Variants in EXOC2 observed in about 807,000 individuals in gnomAD.
EXOC2 encodes the protein SEC5-like 1.
In EXOC2, 70 loss-of-function variants were observed where a neutral mutation model predicts 131.8. The observed-to-expected ratio is 0.53, with a 90% CI of 0.44 to 0.65. The LOEUF is 0.65. Among genes scored for constraint, EXOC2 ranks in the 30% least tolerant of loss-of-function variants. The probability of loss-of-function intolerance (pLI) is 0.00; values close to 1 mark genes in which losing one functional copy is unlikely to be tolerated. For synonymous variants in EXOC2, 411 were observed against 398.4 expected (o/e 1.03, Z -0.38); for missense variants, 923 against 1,108.6 (o/e 0.83, Z 2.38).
chr6:627,162 T>G lies in EXOC2; in HGVS notation c.422+2673A>C, dbSNP rs576643329. ...CATTCTACAGTCTGCCTTTCCTTCC[T>G]TTTATCTTTCTCTAAAACAAGATTT... On this transcript the variant is annotated intron_variant, in intron 4 of 27. Transcript: ENST00000230449. Among the ~76,000 whole-genome samples the G allele has an allele frequency of 2.6e-5, 4 of 151,672 alleles. No individual in the cohort carries two copies. In the South Asian group the frequency reaches 8.3e-4, roughly 32 times the overall value.
Position 518,230 on chromosome 6 carries a change from T to C in EXOC2, c.2380+14239A>G, listed in dbSNP as rs187363507. 1.9e-3 allele frequency among the ~76,000 whole-genome samples: 286 copies of C among 152,304 alleles called. 2 individuals carry two copies. The highest frequency in any genetic ancestry group is 6.4e-3 in the African/African-American group (267 of 41,564). ...GATGAAATGATCGAATATCTGGGAT[T>C]TACTTCAAAATAACAGATCTCAGAG... On this transcript the variant is annotated intron_variant, in intron 23 of 27. Coordinates refer to ENST00000230449, the MANE Select transcript of EXOC2 (RefSeq NM_018303.6).
chr6:687,315 G>A (rs557090317), intron 1 of EXOC2, among the ~76,000 whole-genome samples: 1 of 150,638 alleles, frequency 6.6e-6, no homozygotes, highest in Admixed American at 6.6e-5. Flanking sequence ...TGAGTAACTG[G>A]GACCACAGAC....
chr6:585,785 T>C (rs925783273), intron 11 of EXOC2, among the ~76,000 whole-genome samples: 3 of 152,254 alleles, frequency 2.0e-5, no homozygotes, highest in African/African-American at 7.2e-5. Flanking sequence ...TCAAGAATTA[T>C]TTTTCCGTTT....
chr6:651,484 T>A (rs977279318), intron 1 of EXOC2, among the ~76,000 whole-genome samples: 36 of 151,182 alleles, frequency 2.4e-4, no homozygotes, highest in African/African-American at 8.5e-4. Context: ...TGAAACCCCA[T>A]CTCTAATAAA....
chr6:692,528 G>C (rs1419619862), intron 1 of EXOC2, among the ~76,000 whole-genome samples: 2 of 152,272 alleles, frequency 1.3e-5, no homozygotes, highest in Non-Finnish European at 2.9e-5. Context: ...CGAGGATCAA[G>C]TACGTGCACG....
chr6:539,060 ACT>A (rs1218355195), intron 22 of EXOC2, among the ~76,000 whole-genome samples: 1 of 123,606 alleles, frequency 8.1e-6, no homozygotes, highest in Middle Eastern at 3.4e-3. Context: ...ACAGAGCAAG[ACT>A]CTGTCTGAAG....
intron 6 of EXOC2, among the ~76,000 whole-genome samples, chr6:616,729 C>CTTATTTAT (rs553743664): frequency 4.0e-5 from 6 of 149,160 alleles, no homozygotes; most frequent in African/African-American, 1.2e-4. Context: ...AAGAGGGGGG[C>CTTATTTAT]TTATTTATTT....
intron 23 of EXOC2, among the ~76,000 whole-genome samples, chr6:509,462 T>G (rs1764732230): frequency 6.6e-6 from 1 of 152,226 alleles, no homozygotes; most frequent in Non-Finnish European, 1.5e-5. Context: ...ATTCTCTGAT[T>G]ACTGTAATTA....
chr6:557,917 G>A (rs1398171025), intron 17 of EXOC2, among the ~76,000 whole-genome samples: 2 of 152,104 alleles, frequency 1.3e-5, no homozygotes, highest in East Asian at 1.9e-4. Flanking sequence ...GATGGGGTAG[G>A]AGGCCAGGCT....
At chr6:495,899 T>TC (rs992599504) in intron 25 of EXOC2, among the ~76,000 whole-genome samples, 15 of 151,814 alleles carry the variant, frequency 9.9e-5, no homozygotes, top group African/African-American at 2.9e-4. Context: ...CTTGCTTTTT[T>TC]CCCCCAATTA....
chr6:544,873 C>T (rs539534969), intron 22 of EXOC2, among the ~76,000 whole-genome samples: 3 of 152,240 alleles, frequency 2.0e-5, no homozygotes, highest in East Asian at 1.9e-4. Flanking sequence ...TCAGGCCGGG[C>T]GCGGTGGCTC....
intron 11 of EXOC2, among the ~76,000 whole-genome samples, chr6:591,951 A>T (rs1260307582): frequency 6.6e-6 from 1 of 152,192 alleles, no homozygotes; most frequent in Non-Finnish European, 1.5e-5. Flanking sequence ...TCTCTGAGAC[A>T]TTCCCACACC....
rs185536671 is a variant in EXOC2, at chr6:571,316, A to G, written c.1443+1204T>C. ...GTGCTTACACGATTGGTTTTTCTGC[A>G]CTAAGGAGTTTGTGTTCATGCATTA... On this transcript the variant is annotated intron_variant, in intron 13 of 27. Coordinates refer to ENST00000230449, the MANE Select transcript of EXOC2 (RefSeq NM_018303.6). Among the ~76,000 whole-genome samples, 207 of 152,336 alleles carry G rather than the reference A, an allele frequency of 1.4e-3. 2 individuals are homozygous for G. The highest frequency in any genetic ancestry group is 5.7e-4 in the Non-Finnish European group (39 of 68,028).
At chr6:656,658 C>G (rs759519295) in intron 1 of EXOC2, 3 of 1,607,238 alleles carry the variant, frequency 1.9e-6, no homozygotes, top group Non-Finnish European at 2.5e-6. Flanking sequence ...GGAGGACGCG[C>G]CCGCTGCGCT....
In EXOC2 at chr6:684,994, T is replaced by C. The variant is rs576542615; in HGVS notation, c.-44+8025A>G. Among the ~76,000 whole-genome samples the C allele has an allele frequency of 2.3e-3, 343 of 152,126 alleles. 2 individuals are homozygous for C. Among genetic ancestry groups the C allele is most frequent in the African/African-American group, 8.0e-3 (330 of 41,490 alleles). ...TAGAGAAGGCCAGGAACCAGAAAAA[T>C]ACAGAAGTTCTGACTCACTGAAGAC... On this transcript the variant is annotated intron_variant, in intron 1 of 27. Transcript: ENST00000230449.
chr6:656,651 G>A (rs1385519266), intron 1 of EXOC2: 1 of 1,607,270 alleles, frequency 6.2e-7, no homozygotes, highest in Admixed American at 1.7e-5. Flanking sequence ...GCTTCAGGGA[G>A]GACGCGCCCG....
intron 4 of EXOC2, among the ~76,000 whole-genome samples, chr6:623,120 C>A (rs922916252): frequency 1.3e-5 from 2 of 152,212 alleles, no homozygotes; most frequent in African/African-American, 4.8e-5. Context: ...ACTGGCCCTG[C>A]ACTCCCAGCT....
intron 24 of EXOC2, among the ~76,000 whole-genome samples, chr6:499,368 T>C (rs920322076): frequency 6.6e-6 from 1 of 152,034 alleles, no homozygotes; most frequent in African/African-American, 2.4e-5. Context: ...CTTTCAAATA[T>C]TTATGAATTT....
rs115166060 is a variant in EXOC2, at chr6:549,382, C to T, written c.2122-91G>A. On this transcript the variant is annotated intron_variant, in intron 21 of 27. Transcript: ENST00000230449. The stretch of plus-strand genomic sequence containing the variant: ...TTGTCAAGTTTAATTATAATCTCTG[C>T]TCTTTAACGTCAATATCCAATGCTT... 4,019 of 906,922 alleles carry T rather than the reference C, an allele frequency of 4.4e-3. 85 individuals are homozygous for T. The African/African-American group carries it at 0.055, about 12-fold the overall frequency. 56.2% of individuals were successfully genotyped at this position (906,922 alleles called of 1,614,324 possible).
Sources: gnomAD v4.1 joint callset for allele counts (sites outside exome capture counted in the v4.1 genomes callset) on GRCh38, gnomAD v4.1.1 for gene constraint, MANE v1.5 for transcripts, NCBI Gene and HGNC (gene_info 2026-07-23, HGNC 2026-07-21) for gene names.